Variants in COL24A1 observed in about 807,000 individuals in gnomAD.
COL24A1 encodes the protein collagen alpha-1(XXIV) chain.
Under a neutral mutation model 253.9 loss-of-function variants are expected in COL24A1, and 224 were observed. The ratio of observed to expected loss-of-function variants is 0.88; its 90% confidence interval spans 0.79 to 0.99. The LOEUF is 0.99. Ranked by LOEUF, COL24A1 falls within the 50% of genes least tolerant of loss-of-function variation. The pLI is 0.00. For missense variants in COL24A1, 2,131 were observed against 2,068.5 expected (o/e 1.03, Z -0.59); for synonymous variants, 685 against 673.7 (o/e 1.02, Z -0.26).
intron 19 of COL24A1, among the ~76,000 whole-genome samples, chr1:86,008,768 TA>T (rs745981747): frequency 2.7e-5 from 4 of 149,458 alleles, no homozygotes; most frequent in Admixed American, 6.7e-5. Context: ...CAAAACGAAC[TA>T]AAAAAAAAGA....
chr1:85,955,934 C>T (rs2100625895), intron 24 of COL24A1, among the ~76,000 whole-genome samples: 1 of 152,254 alleles, frequency 6.6e-6, no homozygotes, highest in Non-Finnish European at 1.5e-5. Context: ...AGTAAATTGC[C>T]AGCTTGGCTT....
chr1:86,020,181 C>T (rs1044067514), intron 18 of COL24A1, among the ~76,000 whole-genome samples: 23 of 148,664 alleles, frequency 1.5e-4, no homozygotes, highest in African/African-American at 5.7e-4. Flanking sequence ...GATTCTCCTG[C>T]CTCAGCCTCC....
intron 32 of COL24A1, 99 bp from the exon 33 acceptor site, chr1:85,877,274 C>T (rs1681287918): frequency 2.7e-6 from 2 of 746,126 alleles, no homozygotes; most frequent in Admixed American, 3.2e-5. Flanking sequence ...ACACATAACA[C>T]ATGATTATGT....
Position 85,783,552 on chromosome 1 carries a change from C to T in COL24A1, c.4228G>A (p.Glu1410Lys). 2 of 1,613,290 alleles carry T rather than the reference C, an allele frequency of 1.2e-6. No individual in the cohort carries two copies. The highest frequency in any genetic ancestry group is 1.7e-6 in the Non-Finnish European group (2 of 1,179,428). ...ATCCCAACAATGCCAGCATCCCCTT[C>T]AGGACCCTAGACATACAATAAGAAA... ...FQGFPGPKGP[E>K]GDAGIVGISG... The change falls in exon 51 of 60, where the codon GAA (glutamate) becomes AAA (lysine). Residue 1410 changes from glutamate to lysine, a missense_variant. Glu to Lys is a moderately conservative substitution (Grantham distance 56). Transcript: ENST00000370571.
At chr1:85,970,871 A>C (rs1467591645) in intron 21 of COL24A1, among the ~76,000 whole-genome samples, 1 of 152,204 alleles carries the variant, frequency 6.6e-6, no homozygotes, top group East Asian at 1.9e-4. Flanking sequence ...TGAATTCAGA[A>C]CACTGTAAAA....
intron 7 of COL24A1, among the ~76,000 whole-genome samples, chr1:86,081,039 A>T (rs1174736044): frequency 6.6e-6 from 1 of 152,160 alleles, no homozygotes; most frequent in African/African-American, 2.4e-5. Flanking sequence ...TTATAGTTGC[A>T]CGGGGAAATA....
chr1:85,748,555 C>A (rs958883674), intron 55 of COL24A1, among the ~76,000 whole-genome samples: 28 of 151,894 alleles, frequency 1.8e-4, no homozygotes, highest in Non-Finnish European at 3.7e-4. Context: ...AGGAACAGCT[C>A]CGGTCTACAG....
chr1:86,108,379 A>G (rs189213057), intron 5 of COL24A1, among the ~76,000 whole-genome samples: 29 of 152,240 alleles, frequency 1.9e-4, no homozygotes, highest in Admixed American at 1.9e-3. Flanking sequence ...TAAGAAGTCA[A>G]TGAAATACAA....
intron 32 of COL24A1, among the ~76,000 whole-genome samples, chr1:85,885,876 G>T (rs1682436974): frequency 6.6e-6 from 1 of 152,116 alleles, no homozygotes. Flanking sequence ...GATAGTTTTT[G>T]TTATCAGGCA....
intron 8 of COL24A1, 63 bp downstream of exon 8, chr1:86,063,652 A>C (rs1400229129): frequency 1.7e-6 from 2 of 1,208,248 alleles, no homozygotes; most frequent in African/African-American, 3.1e-5. Flanking sequence ...TAATCTCTCA[A>C]AGGAGTTCTC....
At chr1:85,816,676 G>A in intron 47 of COL24A1, 112 bp downstream of exon 47, 1 of 839,540 alleles carries the variant, frequency 1.2e-6, no homozygotes, top group Non-Finnish European at 2.0e-6. Flanking sequence ...GAAATGAACT[G>A]GCTTAATCTG....
chr1:86,122,505 GCTT>G (rs1356613125), intron 3 of COL24A1, among the ~76,000 whole-genome samples: 3 of 151,794 alleles, frequency 2.0e-5, no homozygotes, highest in African/African-American at 4.8e-5. Context: ...CTTTACTTCA[GCTT>G]CTTCAACTCT....
At chr1:86,146,638 A>G (rs1651920951) in intron 1 of COL24A1, among the ~76,000 whole-genome samples, 2 of 152,104 alleles carry the variant, frequency 1.3e-5, no homozygotes, top group South Asian at 4.1e-4. Context: ...TATAGTGATT[A>G]TAAGTTAATG....
At position 86,054,392 on chromosome 1, in the gene COL24A1, T is replaced by A. The variant is rs2101709472; in HGVS notation, c.1851+3539A>T. 2.0e-5 allele frequency among the ~76,000 whole-genome samples: 3 copies of A among 152,144 alleles called. 1 individual carries two copies. The highest frequency in any genetic ancestry group is 2.0e-4 in the Admixed American group (3 of 15,274). On this transcript the variant is annotated intron_variant, in intron 10 of 59. Transcript: ENST00000370571. ...AACAGGAGAAAATATCTTCAAACTA[T>A]GCATCTGACAAAGGACTAATATCCA...
chr1:85,987,538 A>T, intron 20 of COL24A1, 63 bp downstream of exon 20: 2 of 1,363,710 alleles, frequency 1.5e-6, no homozygotes, highest in Non-Finnish European at 2.1e-6. Context: ...TTTCCCATTT[A>T]TTGAGAATCA....
intron 5 of COL24A1, among the ~76,000 whole-genome samples, chr1:86,104,250 T>C (rs1292185150): frequency 1.3e-5 from 2 of 152,204 alleles, no homozygotes; most frequent in Non-Finnish European, 2.9e-5. Context: ...TTTTCTATAC[T>C]GGCTATTTTG....
intron 39 of COL24A1, among the ~76,000 whole-genome samples, chr1:85,844,315 T>C (rs905323345): frequency 6.6e-6 from 1 of 152,070 alleles, no homozygotes; most frequent in East Asian, 1.9e-4. Context: ...TTAAGATAAC[T>C]CTTGTTCAGG....
rs958170502 is a variant in COL24A1 at position 86,107,094 on chromosome 1, C to T, written c.1599+5473G>A. On this transcript the variant is annotated intron_variant, in intron 5 of 59. Coordinates refer to ENST00000370571, the MANE Select transcript of COL24A1 (RefSeq NM_152890.7). ...CATAAAGTCTTTAAGTTAGGTAACC[C>T]CACCACTATCCTGCCTTCTTAAGGT... Among the ~76,000 whole-genome samples the T allele has an allele frequency of 2.6e-5, 4 of 152,168 alleles. No individual in the cohort carries two copies. The East Asian group carries it at 7.7e-4, about 29-fold the overall frequency.
intron 22 of COL24A1, among the ~76,000 whole-genome samples, chr1:85,968,761 T>C (rs1162190957): frequency 1.3e-5 from 2 of 152,120 alleles, no homozygotes; most frequent in South Asian, 2.1e-4. Context: ...TAAGATAGAG[T>C]TATACATATT....
Sources: allele counts gnomAD v4.1 joint callset (sites outside exome capture counted in the v4.1 genomes callset), GRCh38; gene constraint gnomAD v4.1.1; transcripts MANE v1.5; gene names NCBI Gene and HGNC (gene_info 2026-07-23, HGNC 2026-07-21).